Variants in CSMD1 observed in about 807,000 individuals in gnomAD.
The protein encoded by CSMD1 is CUB and sushi domain-containing protein 1.
In CSMD1, 213 loss-of-function variants were observed where a neutral mutation model predicts 417.5. The observed-to-expected ratio is 0.51, with a 90% confidence interval of 0.46 to 0.57. The LOEUF is 0.57. CSMD1 is among the 20% of genes least tolerant of loss of function. The probability of loss-of-function intolerance (pLI) is 0.00; values close to 1 mark genes in which losing one functional copy is unlikely to be tolerated. For missense variants in CSMD1, 6,923 were observed against 4,529.7 expected (o/e 1.53, Z -15.17); for synonymous variants, 2,862 against 1,736.8 (o/e 1.65, Z -16.11).
intron 1 of CSMD1, among the ~76,000 whole-genome samples, chr8:4,677,570 C>T (rs1805775456): frequency 6.6e-6 from 1 of 152,148 alleles, no homozygotes; most frequent in African/African-American, 2.4e-5. Context: ...CACTTTGATG[C>T]TTTCATAGTG....
chr8:3,848,417 C>T (rs1255286583), intron 5 of CSMD1, among the ~76,000 whole-genome samples: 1 of 152,206 alleles, frequency 6.6e-6, no homozygotes, highest in South Asian at 2.1e-4. Flanking sequence ...TTTTTTAAAA[C>T]ACAATTAGGA....
At chr8:4,428,246 G>A (rs1021691388) in intron 2 of CSMD1, among the ~76,000 whole-genome samples, 1 of 152,094 alleles carries the variant, frequency 6.6e-6, no homozygotes, top group African/African-American at 2.4e-5. Context: ...AGACAACTAG[G>A]AGACTATCAA....
At chr8:3,121,730 C>T (rs927200066) in intron 41 of CSMD1, among the ~76,000 whole-genome samples, 1 of 151,976 alleles carries the variant, frequency 6.6e-6, no homozygotes, top group Non-Finnish European at 1.5e-5. Context: ...GGCCAGGAGT[C>T]GAATGCTGCA....
intron 1 of CSMD1, among the ~76,000 whole-genome samples, chr8:4,668,149 A>G (rs889156453): frequency 6.6e-6 from 1 of 152,124 alleles, no homozygotes; most frequent in Non-Finnish European, 1.5e-5. Flanking sequence ...AGTTTTCTGA[A>G]GTTTAATCAA....
intron 41 of CSMD1, among the ~76,000 whole-genome samples, chr8:3,137,737 A>G (rs1027993762): frequency 2.6e-5 from 4 of 152,214 alleles, no homozygotes; most frequent in Admixed American, 1.3e-4. Context: ...GAACGATGAT[A>G]AGAAAAAGAG....
At chr8:4,001,224 G>A (rs920552232) in intron 4 of CSMD1, among the ~76,000 whole-genome samples, 14 of 152,130 alleles carry the variant, frequency 9.2e-5, no homozygotes, top group African/African-American at 3.1e-4. Flanking sequence ...CGATTCTTCT[G>A]GGAAAACCTC....
intron 20 of CSMD1, among the ~76,000 whole-genome samples, chr8:3,360,559 G>T (rs561571341): frequency 2.6e-5 from 4 of 152,192 alleles, no homozygotes; most frequent in Non-Finnish European, 5.9e-5. Context: ...AGCCAACTAG[G>T]AAAATATGCT....
At chr8:3,014,622 G>A (rs368967872) in intron 52 of CSMD1, among the ~76,000 whole-genome samples, 40 of 152,094 alleles carry the variant, frequency 2.6e-4, no homozygotes, top group Admixed American at 1.4e-3. Flanking sequence ...TCTTTGGGGC[G>A]TGCCAGTTTC....
chr8:4,421,075 G>C (rs756811861), intron 2 of CSMD1, among the ~76,000 whole-genome samples: 2 of 151,928 alleles, frequency 1.3e-5, no homozygotes, highest in Non-Finnish European at 1.5e-5. Context: ...TTTCCCATTG[G>C]ATGCCAATCC....
intron 2 of CSMD1, among the ~76,000 whole-genome samples, chr8:4,591,670 G>C (rs538922067): frequency 6.6e-6 from 1 of 152,204 alleles, no homozygotes; most frequent in Non-Finnish European, 1.5e-5. Context: ...GTCAGTGTCA[G>C]ATTGGAACAG....
At chr8:4,638,697 T>G (rs1563358509) in intron 1 of CSMD1, among the ~76,000 whole-genome samples, 1 of 152,178 alleles carries the variant, frequency 6.6e-6, no homozygotes, top group Admixed American at 6.5e-5. Flanking sequence ...TCTCACGTTT[T>G]ACTCAGCCCT....
At chr8:3,397,079 C>A (rs1311211775) in intron 16 of CSMD1, among the ~76,000 whole-genome samples, 2 of 152,064 alleles carry the variant, frequency 1.3e-5, no homozygotes, top group African/African-American at 4.8e-5. Context: ...TATAAAGTTG[C>A]AGCCACTTGG....
chr8:3,161,624 GAAA>G (rs10644122), intron 38 of CSMD1, among the ~76,000 whole-genome samples: 1 of 58,288 alleles, frequency 1.7e-5, no homozygotes, highest in African/African-American at 5.6e-5. Context: ...CTCCCTCTCA[GAAA>G]AAAAAAAAAA....
chr8:4,044,147 G>A (rs770534040), intron 3 of CSMD1, among the ~76,000 whole-genome samples: 1 of 152,124 alleles, frequency 6.6e-6, no homozygotes, highest in Non-Finnish European at 1.5e-5. Flanking sequence ...TTAACAGTAA[G>A]AAAGAAGATG....
intron 5 of CSMD1, among the ~76,000 whole-genome samples, chr8:3,806,467 G>C (rs968868607): frequency 3.4e-4 from 52 of 152,180 alleles, no homozygotes; most frequent in African/African-American, 1.0e-3. Flanking sequence ...GAAGCTATCA[G>C]CTTCTATAAC....
intron 2 of CSMD1, among the ~76,000 whole-genome samples, chr8:4,461,958 G>T (rs1225849630): frequency 6.6e-6 from 1 of 151,884 alleles, no homozygotes; most frequent in African/African-American, 2.4e-5. Context: ...AGCCAGGATG[G>T]GCTCTATCTC....
At chr8:4,573,803 T>C (rs73184968) in intron 2 of CSMD1, among the ~76,000 whole-genome samples, 23,685 of 152,166 alleles carry the variant, frequency 0.16, 2,148 homozygotes, top group Non-Finnish European at 0.2. Context: ...GCTGCCTTTC[T>C]TTCAGGGATG....
At chr8:3,704,238 G>T (rs368253025) in intron 7 of CSMD1, among the ~76,000 whole-genome samples, 312 of 152,238 alleles carry the variant, frequency 2.0e-3, no homozygotes, top group African/African-American at 7.4e-3. Flanking sequence ...AGCAGCCTGG[G>T]AAAAGTCAGT....
intron 5 of CSMD1, among the ~76,000 whole-genome samples, chr8:3,853,621 C>G (rs1259208715): frequency 1.3e-5 from 2 of 151,792 alleles, no homozygotes; most frequent in African/African-American, 4.8e-5. Flanking sequence ...AGAAGGAGAC[C>G]TTGTGCCCCT....
Sources: gnomAD v4.1 joint callset for allele counts (sites outside exome capture counted in the v4.1 genomes callset) on GRCh38, gnomAD v4.1.1 for gene constraint, MANE v1.5 for transcripts, NCBI Gene and HGNC (gene_info 2026-07-23, HGNC 2026-07-21) for gene names.